INPP5A: variants seen among roughly 807,000 people sequenced by gnomAD.
INPP5A encodes the protein inositol polyphosphate-5-phosphatase A, also known as 43 kDa inositol polyphosphate 5-phophatase.
A neutral mutation model predicts 65.2 loss-of-function variants in INPP5A; 14 were observed. The ratio of observed to expected loss-of-function variants is 0.21; its 90% CI spans 0.14 to 0.34. The LOEUF (loss-of-function observed/expected upper bound fraction) is 0.34, where lower values mean the gene tolerates loss of function less well. INPP5A is among the 10% of genes least tolerant of loss of function. The pLI is 1.00. For synonymous variants in INPP5A, 207 were observed against 208.3 expected (o/e 0.99, Z 0.05); for missense variants, 431 against 545.6 (o/e 0.79, Z 2.09).
At chr10:132,609,633 TTTG>T (rs371644456) in intron 2 of INPP5A, among the ~76,000 whole-genome samples, 3,540 of 152,186 alleles carry the variant, frequency 0.023, 49 homozygotes, top group South Asian at 0.039. Flanking sequence ...GTCTGCTGCT[TTTG>T]TTGTTGTTGT....
intron 12 of INPP5A, among the ~76,000 whole-genome samples, chr10:132,771,910 A>C (rs1210368761): frequency 7.0e-5 from 4 of 56,812 alleles, no homozygotes; most frequent in African/African-American, 1.6e-4. Flanking sequence ...CACAGAGGCC[A>C]CAGCAGCCAC....
In INPP5A at chr10:132,555,122, G is replaced by A. The variant is rs2071109994; in HGVS notation, c.75+16951G>A. 6.6e-6 allele frequency among the ~76,000 whole-genome samples: 1 copy of A among 151,934 alleles called. No individual in the cohort carries two copies. The highest frequency in any genetic ancestry group is 1.5e-5 in the Non-Finnish European group (1 of 67,962). ...TGGCATGGCTGCTGTGGGTGACATA[G>A]GTGGTGTGGCTGGCGTGGTTAGTGG... On this transcript the variant is annotated intron_variant, in intron 1 of 15. Transcript: ENST00000368594. This position sits in a 1 kb window ranked among gnomAD's most constrained non-coding sequence, Gnocchi z 4.4.
rs1000458197 is a variant in INPP5A, at chr10:132,616,690, G to A, written c.117+8734G>A. On this transcript the variant is annotated intron_variant, in intron 2 of 15. Transcript: ENST00000368594. This position sits in a 1 kb window ranked among gnomAD's most constrained non-coding sequence, Gnocchi z 4.9. ...GGTGTGGTGGTGATGGAGGTGGTGT[G>A]GTAATGTGGCGTGGAGGATGCAGTG... Among the ~76,000 whole-genome samples, 1 of 151,500 alleles carries A rather than the reference G, an allele frequency of 6.6e-6. No homozygotes were observed. Among genetic ancestry groups the A allele is most frequent in the Admixed American group, 6.6e-5 (1 of 15,226 alleles).
At position 132,650,566 on chromosome 10, in the gene INPP5A, C is replaced by T. The variant is rs112326434; in HGVS notation, c.306+61C>T. 3 of 1,217,862 alleles carry T rather than the reference C, an allele frequency of 2.5e-6. No homozygotes were observed. The highest frequency in any genetic ancestry group is 3.6e-6 in the Non-Finnish European group (3 of 825,998). The allele number at this position is 1,217,862 out of a possible 1,614,324, so 75.4% of individuals were successfully genotyped here. A position where few individuals can be genotyped will look rare whatever the true frequency, so the allele number is the denominator to read the frequency against. On this transcript the variant is annotated intron_variant, in intron 4 of 15. Coordinates refer to ENST00000368594, the MANE Select transcript of INPP5A (RefSeq NM_005539.5). This position sits in a 1 kb window ranked among gnomAD's most constrained non-coding sequence, Gnocchi z 5.5. The stretch of plus-strand genomic sequence containing the variant: ...CAGGCTGGCCTTGGCAGAAGCCAGC[C>T]CTTCTCCTGTGTAAATGGAGAGAGG...
chr10:132,761,344 G>C (rs1846729427), intron 11 of INPP5A, among the ~76,000 whole-genome samples: 1 of 152,238 alleles, frequency 6.6e-6, no homozygotes, highest in Non-Finnish European at 1.5e-5. Flanking sequence ...CACTGTGGGG[G>C]CATGTGTTCA....
rs561795237 is a variant in INPP5A, at chr10:132,651,341, C to T, written c.306+836C>T. On this transcript the variant is annotated intron_variant, in intron 4 of 15. Coordinates refer to ENST00000368594, the MANE Select transcript of INPP5A (RefSeq NM_005539.5). This position sits in a 1 kb window ranked among gnomAD's most constrained non-coding sequence, Gnocchi z 5.0. ...TCCCCCGGCCTGGATCCATCTCCCCCGTCTCTGGGGAGGCCCTGGGTCCCC... is the reference window on the plus strand; with the variant it reads ...TCCCCCGGCCTGGATCCATCTCCCCTGTCTCTGGGGAGGCCCTGGGTCCCC... Among the ~76,000 whole-genome samples the T allele has an allele frequency of 7.2e-5, 10 of 139,560 alleles. No individual in the cohort carries two copies. The highest frequency in any genetic ancestry group is 2.5e-4 in the African/African-American group (9 of 36,474). The allele number at this position is 139,560 out of a possible 152,430, so 91.6% of individuals were successfully genotyped here. A position where few individuals can be genotyped will look rare whatever the true frequency, so the allele number is the denominator to read the frequency against.
chr10:132,548,175 C>T (rs1213285953), intron 1 of INPP5A, among the ~76,000 whole-genome samples: 5 of 151,888 alleles, frequency 3.3e-5, no homozygotes, highest in African/African-American at 4.8e-5. Context: ...CCATCGTGCC[C>T]GGCCATGGTG....
In INPP5A at chr10:132,741,431, T is replaced by G. The variant is rs1846267951; in HGVS notation, c.733-8086T>G. Among the ~76,000 whole-genome samples, 1 of 152,146 alleles carries G rather than the reference T, an allele frequency of 6.6e-6. No homozygotes were observed. Among genetic ancestry groups the G allele is most frequent in the African/African-American group, 2.4e-5 (1 of 41,430 alleles). ...CACCACGGGAACTTCTCGGCATCTG[T>G]GCCAGGAAAGTTAGAGCTTCCTCAT... On this transcript the variant is annotated intron_variant, in intron 9 of 15. Transcript: ENST00000368594. The surrounding 1 kb of genome is among the most constrained non-coding windows in gnomAD (Gnocchi z 4.4).
chr10:132,600,948 A>G (rs1419167017), intron 1 of INPP5A, among the ~76,000 whole-genome samples: 2 of 152,204 alleles, frequency 1.3e-5, no homozygotes, highest in African/African-American at 4.8e-5. Flanking sequence ...GGGAGATACA[A>G]TTCAAGTTGA....
At chr10:132,646,055 C>A in intron 3 of INPP5A, 87 bp downstream of exon 3, 1 of 834,916 alleles carries the variant, frequency 1.2e-6, no homozygotes, top group Non-Finnish European at 2.0e-6. Context: ...CTATGATCAC[C>A]AGCCTCACCA....
chr10:132,688,878 GTA>G (rs747973418), intron 4 of INPP5A, among the ~76,000 whole-genome samples: 16 of 146,786 alleles, frequency 1.1e-4, no homozygotes, highest in Non-Finnish European at 1.5e-4. Context: ...GTGCATGAGT[GTA>G]TGAGTGCAAG....
At chr10:132,602,236 C>A (rs2071785216) in intron 1 of INPP5A, among the ~76,000 whole-genome samples, 1 of 152,152 alleles carries the variant, frequency 6.6e-6, no homozygotes, top group Non-Finnish European at 1.5e-5. Context: ...AAAACATTTT[C>A]TTTTCACATT....
rs1477966812 is a variant in INPP5A at position 132,550,068 on chromosome 10, G to C, written c.75+11897G>C. Among the ~76,000 whole-genome samples, 1 of 133,408 alleles carries C rather than the reference G, an allele frequency of 7.5e-6. No individual in the cohort carries two copies. Among genetic ancestry groups the C allele is most frequent in the Non-Finnish European group, 1.6e-5 (1 of 61,990 alleles). The allele number at this position is 133,408 out of a possible 152,430, so 87.5% of individuals were successfully genotyped here. ...TGGGGTCAGCCTCGAGTTACTAACCGGGCATTAGGGGATGGGGTCAGCCTC... is the reference window on the plus strand; with the variant it reads ...TGGGGTCAGCCTCGAGTTACTAACCCGGCATTAGGGGATGGGGTCAGCCTC... On this transcript the variant is annotated intron_variant, in intron 1 of 15. Transcript: ENST00000368594. The surrounding 1 kb of genome is among the most constrained non-coding windows in gnomAD (Gnocchi z 4.2).
intron 1 of INPP5A, among the ~76,000 whole-genome samples, chr10:132,590,879 GGTTA>G (rs1327515825): frequency 6.6e-6 from 1 of 152,210 alleles, no homozygotes; most frequent in African/African-American, 2.4e-5. Context: ...TCCTGTCCGT[GGTTA>G]GTTAGGTAGT....
At chr10:132,685,331 G>A (rs935120745) in intron 4 of INPP5A, among the ~76,000 whole-genome samples, 36 of 152,230 alleles carry the variant, frequency 2.4e-4, no homozygotes, top group Non-Finnish European at 4.7e-4. Context: ...GGTCACGCCC[G>A]CGACGCGGTT....
At chr10:132,573,405 G>A (rs1322845224) in intron 1 of INPP5A, among the ~76,000 whole-genome samples, 1 of 128,336 alleles carries the variant, frequency 7.8e-6, no homozygotes, top group Non-Finnish European at 1.6e-5. Flanking sequence ...TGGGGTGTGC[G>A]TGCCGTGTGA....
In INPP5A at chr10:132,627,420, G is replaced by A. The variant is rs536457296; in HGVS notation, c.118-18448G>A. ...GCCGCTGAGCAGGTGGGTCTGGAGG[G>A]CGGTGGGGCTGGCGGTGCTGGGCGC... is the stretch of plus-strand genomic sequence containing the variant. On this transcript the variant is annotated intron_variant, in intron 2 of 15. Transcript: ENST00000368594. This position sits in a 1 kb window ranked among gnomAD's most constrained non-coding sequence, Gnocchi z 6.6. 2.0e-5 allele frequency among the ~76,000 whole-genome samples: 3 copies of A among 152,282 alleles called. No individual in the cohort carries two copies. Among genetic ancestry groups the A allele is most frequent in the African/African-American group, 7.2e-5 (3 of 41,558 alleles).
intron 6 of INPP5A, among the ~76,000 whole-genome samples, chr10:132,699,364 G>A (rs1203937253): frequency 1.6e-5 from 1 of 62,092 alleles, no homozygotes; most frequent in East Asian, 3.6e-3. Flanking sequence ...TGCTGGGGTG[G>A]GGGGGGGCTG....
At chr10:132,755,147 G>A (rs540882543) in intron 11 of INPP5A, among the ~76,000 whole-genome samples, 2 of 152,016 alleles carry the variant, frequency 1.3e-5, no homozygotes, top group East Asian at 3.9e-4. Flanking sequence ...GCATGTGTGA[G>A]CAAGCATATG....
Sources: gnomAD v4.1 joint callset for allele counts (sites outside exome capture counted in the v4.1 genomes callset) on GRCh38, gnomAD v4.1.1 for gene constraint, Gnocchi (gnomAD v3.1) non-coding constraint, MANE v1.5 for transcripts, NCBI Gene and HGNC (gene_info 2026-07-23, HGNC 2026-07-21) for gene names.